Variants in PDE7A observed in about 807,000 individuals in gnomAD.
PDE7A encodes the protein high affinity 3',5'-cyclic-AMP phosphodiesterase 7A.
A neutral mutation model predicts 64.3 loss-of-function variants in PDE7A; 39 were observed. The observed-to-expected ratio is 0.61, with a 90% CI of 0.47 to 0.79. The LOEUF (loss-of-function observed/expected upper bound fraction) is 0.79. PDE7A is among the 30% of genes least tolerant of loss of function. PDE7A has a pLI of 0.00. For synonymous variants in PDE7A, 203 were observed against 206.8 expected (o/e 0.98, Z 0.16); for missense variants, 470 against 582.8 (o/e 0.81, Z 1.99).
chr8:65,833,980 C>G (rs1810894063), intron 1 of PDE7A, among the ~76,000 whole-genome samples: 1 of 151,930 alleles, frequency 6.6e-6, no homozygotes, highest in African/African-American at 2.4e-5. Flanking sequence ...CAAAAAAACA[C>G]CACACTAATT....
At chr8:65,810,197 G>A (rs1810221257) in intron 1 of PDE7A, among the ~76,000 whole-genome samples, 1 of 152,174 alleles carries the variant, frequency 6.6e-6, no homozygotes. Context: ...GTCCTTTGTA[G>A]CGACATGGAT....
chr8:65,730,108 C>T (rs1281513064), intron 7 of PDE7A, among the ~76,000 whole-genome samples: 1 of 148,542 alleles, frequency 6.7e-6, no homozygotes. Context: ...GAAGCAGTAG[C>T]TTCTCATAGG....
chr8:65,765,239 C>T (rs1396963184), intron 3 of PDE7A, among the ~76,000 whole-genome samples: 1 of 151,932 alleles, frequency 6.6e-6, no homozygotes, highest in African/African-American at 2.4e-5. Flanking sequence ...CCTGTAATCC[C>T]AGCACTTTGG....
At chr8:65,794,009 C>T (rs1215112627) in intron 1 of PDE7A, among the ~76,000 whole-genome samples, 1 of 152,136 alleles carries the variant, frequency 6.6e-6, no homozygotes, top group Non-Finnish European at 1.5e-5. Context: ...TCTGCCAATT[C>T]TAAGGCTCTA....
intron 10 of PDE7A, among the ~76,000 whole-genome samples, 154 bp downstream of exon 10, chr8:65,724,623 T>TC (rs984097962): frequency 6.6e-6 from 1 of 152,212 alleles, no homozygotes; most frequent in Non-Finnish European, 1.5e-5. Context: ...ACCAGTGATC[T>TC]CCTTTTGGAA....
At position 65,841,610 on chromosome 8, in the gene PDE7A, G is replaced by C; in HGVS notation, c.-102C>G. 1 of 427,404 alleles carries C rather than the reference G, an allele frequency of 2.3e-6. No homozygotes were observed. Among genetic ancestry groups the C allele is most frequent in the Non-Finnish European group, 3.4e-6 (1 of 294,008 alleles). The allele number at this position is 427,404 out of a possible 1,614,324, so 26.5% of individuals were successfully genotyped here. A position where few individuals can be genotyped will look rare whatever the true frequency, so the allele number is the denominator to read the frequency against. On this transcript the variant is annotated 5_prime_UTR_variant, in exon 1 of 13. Coordinates refer to ENST00000401827, the MANE Select transcript of PDE7A (RefSeq NM_001242318.3). ...GCTCGGGGGCTCCGGGCCGAGACGG[G>C]GGCAGGGCGGGCGGGGACCGACCCC...
At chr8:65,725,702 AAAAC>A (rs1806580647) in intron 9 of PDE7A, 1 of 152,168 alleles carries the variant, frequency 6.6e-6, no homozygotes, top group Non-Finnish European at 1.5e-5. Flanking sequence ...ATTGAATGTT[AAAAC>A]AAACCCTAAA....
At chr8:65,750,654 A>G (rs1807902729) in intron 3 of PDE7A, among the ~76,000 whole-genome samples, 2 of 152,154 alleles carry the variant, frequency 1.3e-5, no homozygotes, top group African/African-American at 4.8e-5. Context: ...ATGGTAGGAT[A>G]CATACTGTCA....
rs1806544511 is a variant in PDE7A at position 65,724,867 on chromosome 8, G to GCCA, written c.974_975insTGG (p.Arg325_Gln326insGly). The GCCA allele has an allele frequency of 6.2e-7, 1 of 1,610,596 alleles. No homozygotes were observed. The highest frequency in any genetic ancestry group is 8.5e-7 in the Non-Finnish European group (1 of 1,177,446). ...TAAACAAAGACAGATACTCATTCTG[G>GCCA]CGACTGATGTCTGTGGCTAGTATCA... is the stretch of plus-strand genomic sequence containing the variant. On this transcript the variant is annotated inframe_insertion, in exon 10 of 13. Coordinates refer to ENST00000401827, the MANE Select transcript of PDE7A (RefSeq NM_001242318.3).
At chr8:65,804,539 GCTTT>G (rs749205529) in intron 1 of PDE7A, among the ~76,000 whole-genome samples, 7 of 131,778 alleles carry the variant, frequency 5.3e-5, no homozygotes, top group Non-Finnish European at 7.8e-5. Flanking sequence ...TCATTTTGTT[GCTTT>G]TTTTTTTTTT....
intron 3 of PDE7A, among the ~76,000 whole-genome samples, chr8:65,748,879 G>C (rs1370658381): frequency 6.6e-6 from 1 of 152,186 alleles, no homozygotes; most frequent in Non-Finnish European, 1.5e-5. Context: ...AATTGATGCT[G>C]CTCCCACTGC....
At chr8:65,832,211 C>T (rs185839350) in intron 1 of PDE7A, among the ~76,000 whole-genome samples, 9 of 152,114 alleles carry the variant, frequency 5.9e-5, no homozygotes, top group Admixed American at 5.2e-4. Context: ...ATCCATTGAG[C>T]CATTTGTAAA....
intron 1 of PDE7A, among the ~76,000 whole-genome samples, chr8:65,790,080 G>T (rs1338617054): frequency 1.3e-5 from 2 of 152,232 alleles, no homozygotes; most frequent in African/African-American, 4.8e-5. Context: ...TGCAAGAATT[G>T]TGAAGACAGA....
chr8:65,732,849 T>G (rs888442383), intron 7 of PDE7A, among the ~76,000 whole-genome samples: 2 of 152,176 alleles, frequency 1.3e-5, no homozygotes, highest in African/African-American at 4.8e-5. Context: ...TTTAAAACTT[T>G]GAGTGACTCT....
chr8:65,816,068 GTTAT>G (rs1236134503), intron 1 of PDE7A, among the ~76,000 whole-genome samples: 7 of 139,070 alleles, frequency 5.0e-5, no homozygotes, highest in African/African-American at 1.8e-4. Flanking sequence ...TTTAACACAT[GTTAT>G]TTATGTTAAC....
Position 65,727,303 on chromosome 8 carries a change from T to TTA in PDE7A, c.697-3_697-2insTA. On this transcript the variant is annotated splice_region_variant and splice_polypyrimidine_tract_variant and intron_variant, in intron 7 of 12. Transcript: ENST00000401827. Reference sequence around the variant, plus strand: ...CCAAGGAGTTACAGAATTGGCAAGCTGAAGTGTGACAAAAGAATAATGAAT... The same window carrying TTA: ...CCAAGGAGTTACAGAATTGGCAAGCTTAGAAGTGTGACAAAAGAATAATGAAT... The TTA allele has an allele frequency of 3.7e-6, 6 of 1,612,386 alleles. No homozygotes were observed. The highest frequency in any genetic ancestry group is 1.3e-5 in the African/African-American group (1 of 74,998).
intron 1 of PDE7A, chr8:65,788,795 A>G (rs995433177): frequency 3.5e-6 from 3 of 864,782 alleles, no homozygotes; most frequent in African/African-American, 3.3e-5. Flanking sequence ...ACTGAGGCAA[A>G]AGGAGGAGAA....
At chr8:65,729,166 C>T (rs982278118) in intron 7 of PDE7A, among the ~76,000 whole-genome samples, 2 of 152,116 alleles carry the variant, frequency 1.3e-5, no homozygotes, top group Admixed American at 1.3e-4. Context: ...AAAGAAACTA[C>T]AGATTATTTA....
intron 7 of PDE7A, among the ~76,000 whole-genome samples, chr8:65,730,399 C>T (rs187428811): frequency 8.4e-4 from 127 of 151,512 alleles, no homozygotes; most frequent in African/African-American, 1.7e-3. Flanking sequence ...AGGCTGGTCT[C>T]GAACTCCCAA....
Sources: allele counts gnomAD v4.1 joint callset (sites outside exome capture counted in the v4.1 genomes callset), GRCh38; gene constraint gnomAD v4.1.1; transcripts MANE v1.5; gene names NCBI Gene and HGNC (gene_info 2026-07-23, HGNC 2026-07-21).